The following SCN10A variants were observed in gnomAD, a reference collection of about 807,000 sequenced individuals.
SCN10A encodes sodium channel protein type 10 subunit alpha.
Under a neutral mutation model 170.7 loss-of-function variants are expected in SCN10A, and 162 were observed. That is an observed-to-expected ratio of 0.95 (90% CI 0.84 to 1.08). The LOEUF is 1.08. Ranked by LOEUF, SCN10A falls within the 50% of genes least tolerant of loss-of-function variation. The pLI is 0.00. For missense variants in SCN10A, 2,527 were observed against 2,436.9 expected (o/e 1.04, Z -0.78); for synonymous variants, 985 against 904.6 (o/e 1.09, Z -1.59).
In SCN10A at chr3:38,710,914, G is replaced by C. The variant is rs1364148752; in HGVS notation, c.4090-17C>G. ...AAAGGTTGCCTGGAGACAAGGAGCA[G>C]AGGCCACTCAGTGTCTGCCCATCCA... On this transcript the variant is annotated splice_polypyrimidine_tract_variant and intron_variant, in intron 23 of 27. Coordinates refer to ENST00000449082, the MANE Select transcript of SCN10A (RefSeq NM_006514.4). 6.2e-7 allele frequency: 1 copy of C among 1,611,728 alleles called. No individual in the cohort carries two copies. Among genetic ancestry groups the C allele is most frequent in the African/African-American group, 1.3e-5 (1 of 75,042 alleles).
At chr3:38,713,363 A>G (rs2063296621) in intron 22 of SCN10A, among the ~76,000 whole-genome samples, 1 of 152,142 alleles carries the variant, frequency 6.6e-6, no homozygotes, top group South Asian at 2.1e-4. Flanking sequence ...AGAACTTGGG[A>G]TGTTCTGGAG....
At chr3:38,717,305 T>C (rs558965887) in intron 21 of SCN10A, among the ~76,000 whole-genome samples, 31 of 151,872 alleles carry the variant, frequency 2.0e-4, no homozygotes, top group Middle Eastern at 3.4e-3. Context: ...GTGAAATGTA[T>C]GGAAGGAAGG....
chr3:38,808,244 C>A (rs1559473541), intron 1 of SCN10A, among the ~76,000 whole-genome samples: 1 of 55,030 alleles, frequency 1.8e-5, no homozygotes, highest in Non-Finnish European at 3.3e-5. Context: ...TTCACACATG[C>A]TTTTTTCTCT....
intron 13 of SCN10A, among the ~76,000 whole-genome samples, chr3:38,749,432 G>T (rs2063725320): frequency 6.6e-6 from 1 of 152,224 alleles, no homozygotes; most frequent in Admixed American, 6.5e-5. Flanking sequence ...CACGCTCTAT[G>T]GCAAAGTGTG....
chr3:38,734,015 T>C (rs1349510627), intron 15 of SCN10A, among the ~76,000 whole-genome samples: 1 of 151,960 alleles, frequency 6.6e-6, no homozygotes, highest in Non-Finnish European at 1.5e-5. Context: ...CCACTGCCCC[T>C]GGCCTTCTTT....
intron 11 of SCN10A, among the ~76,000 whole-genome samples, chr3:38,753,993 T>A (rs2063775938): frequency 6.6e-6 from 1 of 152,210 alleles, no homozygotes; most frequent in South Asian, 2.1e-4. Context: ...CTGCATTAGG[T>A]CTATTTACCA....
chr3:38,723,635 G>C, intron 18 of SCN10A, 82 bp from the exon 19 acceptor site: 1 of 1,487,718 alleles, frequency 6.7e-7, no homozygotes, highest in Non-Finnish European at 9.1e-7. Context: ...AGGTTCAACT[G>C]CACCCATGTT....
intron 4 of SCN10A, among the ~76,000 whole-genome samples, chr3:38,786,565 T>C (rs751438322): frequency 1.3e-4 from 20 of 152,046 alleles, no homozygotes; most frequent in African/African-American, 2.9e-4. Context: ...CACCATGACA[T>C]GTGTATACCT....
At chr3:38,753,234 G>C (rs972674976) in intron 11 of SCN10A, among the ~76,000 whole-genome samples, 4 of 152,226 alleles carry the variant, frequency 2.6e-5, no homozygotes, top group Non-Finnish European at 4.4e-5. Flanking sequence ...AGAGAAAAGA[G>C]CTAATTCATA....
chr3:38,763,170 T>A (rs2063894394), intron 6 of SCN10A, among the ~76,000 whole-genome samples: 1 of 152,168 alleles, frequency 6.6e-6, no homozygotes, highest in African/African-American at 2.4e-5. Context: ...TAGTTTAAGG[T>A]ATAAATAAAA....
chr3:38,736,361 C>CTCTGTGTGTGTG (rs541016855), intron 15 of SCN10A, among the ~76,000 whole-genome samples: 1 of 139,358 alleles, frequency 7.2e-6, no homozygotes, highest in African/African-American at 2.6e-5. Flanking sequence ...TAGGGAAACT[C>CTCTGTGTGTGTG]TGTGTGTGTG....
At chr3:38,706,145 C>T (rs1416745759) in intron 26 of SCN10A, among the ~76,000 whole-genome samples, 1 of 152,164 alleles carries the variant, frequency 6.6e-6, no homozygotes, top group African/African-American at 2.4e-5. Flanking sequence ...AATTCATGAC[C>T]ACTATTTCAA....
At chr3:38,753,533 C>T (rs962344569) in intron 11 of SCN10A, among the ~76,000 whole-genome samples, 3 of 152,176 alleles carry the variant, frequency 2.0e-5, no homozygotes, top group African/African-American at 7.2e-5. Context: ...TAATTTGAAG[C>T]CTGATCCTGT....
chr3:38,718,961 A>G, intron 20 of SCN10A, 135 bp from the exon 21 acceptor site: 1 of 780,796 alleles, frequency 1.3e-6, no homozygotes. Flanking sequence ...TGCCAGTAGC[A>G]TTTTGTTTGC....
At chr3:38,761,516 G>A in intron 6 of SCN10A, 133 bp from the exon 7 acceptor site, 1 of 612,006 alleles carries the variant, frequency 1.6e-6, no homozygotes, top group Non-Finnish European at 2.6e-6. Context: ...GCAGTTCCAA[G>A]ACCTTTCTCA....
intron 20 of SCN10A, among the ~76,000 whole-genome samples, chr3:38,719,689 G>A (rs541336587): frequency 3.3e-5 from 5 of 152,170 alleles, no homozygotes; most frequent in African/African-American, 4.8e-5. Context: ...CACCGCGCCC[G>A]GCCACTCTTA....
intron 5 of SCN10A, among the ~76,000 whole-genome samples, chr3:38,768,457 T>C (rs928628475): frequency 3.9e-5 from 6 of 152,196 alleles, no homozygotes; most frequent in African/African-American, 1.4e-4. Flanking sequence ...CTCTCACCAT[T>C]TGTTTGTCTG....
At chr3:38,805,832 G>C (rs2064401507) in intron 1 of SCN10A, among the ~76,000 whole-genome samples, 2 of 152,140 alleles carry the variant, frequency 1.3e-5, no homozygotes, top group African/African-American at 4.8e-5. Flanking sequence ...ACAAAGAATG[G>C]GGTTAGGGAA....
intron 11 of SCN10A, among the ~76,000 whole-genome samples, chr3:38,754,541 G>A (rs1173161919): frequency 1.3e-5 from 2 of 152,174 alleles, no homozygotes; most frequent in African/African-American, 4.8e-5. Context: ...TGACAGAATG[G>A]GGGAAATTAA....
Sources: allele counts gnomAD v4.1 joint callset (sites outside exome capture counted in the v4.1 genomes callset), GRCh38; gene constraint gnomAD v4.1.1; transcripts MANE v1.5; gene names NCBI Gene and HGNC (gene_info 2026-07-23, HGNC 2026-07-21).